Variants in POC1B observed in about 807,000 individuals in gnomAD.
The protein encoded by POC1B is POC1 centriolar protein B.
In POC1B, 44 loss-of-function variants were observed where a neutral mutation model predicts 60.6. That is an observed-to-expected ratio of 0.73 (90% CI 0.57 to 0.93). The LOEUF is 0.93. Ranked by LOEUF, POC1B falls within the 40% of genes least tolerant of loss-of-function variation. The pLI, the probability that POC1B is intolerant of heterozygous loss-of-function variation, is 0.00. For missense variants in POC1B, 555 were observed against 572.3 expected, an observed-to-expected ratio of 0.97 and a Z score of 0.31; for synonymous variants, 180 against 198.9, an observed-to-expected ratio of 0.90 and a Z score of 0.80.
At chr12:89,440,671 T>C (rs959083380) in intron 10 of POC1B, among the ~76,000 whole-genome samples, 1 of 152,112 alleles carries the variant, frequency 6.6e-6, no homozygotes. Context: ...GATGGCCAAA[T>C]AGGAACAGCT....
chr12:89,436,042 T>G (rs1207298573), intron 10 of POC1B, among the ~76,000 whole-genome samples: 2 of 151,892 alleles, frequency 1.3e-5, no homozygotes, highest in Non-Finnish European at 2.9e-5. Flanking sequence ...CCTCCCAGGT[T>G]CAAGCGATTC....
chr12:89,412,500 A>G, the POC1B span, among the ~76,000 whole-genome samples: 1 of 151,644 alleles, frequency 6.6e-6, no homozygotes, highest in African/African-American at 2.4e-5. Context: ...CCAACATGAT[A>G]AAACCTCGTC....
At chr12:89,487,105 G>A (rs1450669935) in intron 4 of POC1B, among the ~76,000 whole-genome samples, 3 of 152,118 alleles carry the variant, frequency 2.0e-5, no homozygotes, top group African/African-American at 7.2e-5. Flanking sequence ...AGCAGTCACA[G>A]GCTTAAATAA....
At chr12:89,472,580 C>T (rs1882941312) in intron 4 of POC1B, 1 of 214,080 alleles carries the variant, frequency 4.7e-6, no homozygotes, top group Non-Finnish European at 9.2e-6. Context: ...TCTGTACTCA[C>T]TCTAAGCCAA....
chr12:89,523,818 A>G (rs1340005624), intron 2 of POC1B: 38 of 1,541,234 alleles, frequency 2.5e-5, no homozygotes, highest in Non-Finnish European at 3.1e-5. Context: ...CATCTCTCCC[A>G]ATCCTTTCCA....
At chr12:89,524,791 A>T in intron 2 of POC1B, 1 of 620,786 alleles carries the variant, frequency 1.6e-6, no homozygotes, top group Non-Finnish European at 2.8e-6. Context: ...AACTTTTCAC[A>T]AACTCTCCAG....
At chr12:89,452,743 C>T (rs1213932244) in intron 10 of POC1B, among the ~76,000 whole-genome samples, 5 of 151,866 alleles carry the variant, frequency 3.3e-5, no homozygotes, top group South Asian at 2.1e-4. Flanking sequence ...TCTTTTATTA[C>T]GGTGATACTG....
At chr12:89,442,083 C>T (rs556801660) in intron 10 of POC1B, among the ~76,000 whole-genome samples, 1 of 152,228 alleles carries the variant, frequency 6.6e-6, no homozygotes, top group Admixed American at 6.5e-5. Flanking sequence ...TGAACAAAGC[C>T]TCCAAGAAAT....
intron 11 of POC1B, 105 bp downstream of exon 11, chr12:89,425,056 T>C (rs1411105240): frequency 1.3e-5 from 15 of 1,158,802 alleles, no homozygotes; most frequent in Admixed American, 1.1e-4. Context: ...TTTGCTAGTA[T>C]AGAGAAATCT....
intron 2 of POC1B, chr12:89,524,044 T>G: frequency 6.2e-7 from 1 of 1,613,604 alleles, no homozygotes; most frequent in African/African-American, 1.3e-5. Flanking sequence ...CAAGATGATC[T>G]CTTTCAAAAG....
intron 9 of POC1B, chr12:89,460,805 T>C (rs1592602354): frequency 6.6e-6 from 1 of 152,148 alleles, no homozygotes; most frequent in Non-Finnish European, 1.5e-5. Flanking sequence ...GATTCAAATA[T>C]ATAAAGTTAC....
intron 1 of POC1B, 35 bp from the exon 2 acceptor site, chr12:89,525,239 C>G (rs1246584949): frequency 6.3e-7 from 1 of 1,588,394 alleles, no homozygotes; most frequent in Admixed American, 1.7e-5. Context: ...TGAAAGCCGC[C>G]GCAGACCTCG....
chr12:89,483,849 T>C (rs1199417625), intron 4 of POC1B, among the ~76,000 whole-genome samples: 1 of 122,432 alleles, frequency 8.2e-6, no homozygotes, highest in East Asian at 2.5e-4. Flanking sequence ...TGATATCAGA[T>C]GGAAACTTGG....
At chr12:89,446,460 G>C (rs1452006117) in intron 10 of POC1B, among the ~76,000 whole-genome samples, 8 of 152,146 alleles carry the variant, frequency 5.3e-5, no homozygotes, top group South Asian at 2.1e-4. Context: ...TAGGGACGTG[G>C]ATGAAGGTGG....
intron 10 of POC1B, among the ~76,000 whole-genome samples, chr12:89,441,088 G>A (rs192014774): frequency 6.6e-6 from 1 of 152,336 alleles, no homozygotes; most frequent in East Asian, 1.9e-4. Flanking sequence ...CCATTGCTGA[G>A]GCTTGAGTAG....
chr12:89,481,335 C>G (rs1868361377), intron 4 of POC1B, among the ~76,000 whole-genome samples: 1 of 152,186 alleles, frequency 6.6e-6, no homozygotes, highest in African/African-American at 2.4e-5. Flanking sequence ...CATAAACAAC[C>G]ATACAACTGC....
At chr12:89,433,091 G>A (rs1483668137) in intron 10 of POC1B, among the ~76,000 whole-genome samples, 1 of 152,200 alleles carries the variant, frequency 6.6e-6, no homozygotes, top group Non-Finnish European at 1.5e-5. Context: ...ATGGAAGAGT[G>A]GGGATGAATG....
At chr12:89,465,586 A>T (rs1193781177) in intron 9 of POC1B, among the ~76,000 whole-genome samples, 1 of 152,218 alleles carries the variant, frequency 6.6e-6, no homozygotes, top group Non-Finnish European at 1.5e-5. Context: ...GGGATAAGAA[A>T]TATAACTAGA....
chr12:89,489,120 T>G (rs1388581029), intron 4 of POC1B, among the ~76,000 whole-genome samples: 2 of 152,218 alleles, frequency 1.3e-5, no homozygotes, highest in African/African-American at 4.8e-5. Flanking sequence ...AGTATCTTTA[T>G]AAATTTAGTA....
Sources: allele counts gnomAD v4.1 joint callset (sites outside exome capture counted in the v4.1 genomes callset), GRCh38; gene constraint gnomAD v4.1.1; transcripts MANE v1.5; gene names NCBI Gene and HGNC (gene_info 2026-07-23, HGNC 2026-07-21).